GAS7: variants seen among roughly 807,000 people sequenced by gnomAD.
GAS7 encodes the protein growth arrest specific 7.
GAS7 carries 28 observed loss-of-function variants against 71.1 expected under a neutral mutation model. The observed-to-expected ratio is 0.39, with a 90% CI of 0.29 to 0.54. The LOEUF (loss-of-function observed/expected upper bound fraction) is 0.54. Among genes scored for constraint, GAS7 ranks in the 20% least tolerant of loss-of-function variants. GAS7 has a pLI of 0.62. For missense variants in GAS7, 436 were observed against 627.8 expected (o/e 0.69, Z 3.27); for synonymous variants, 258 against 245.8 (o/e 1.05, Z -0.46).
At chr17:10,089,477 A>G (rs2073557478) in intron 1 of GAS7, among the ~76,000 whole-genome samples, 1 of 151,904 alleles carries the variant, frequency 6.6e-6, no homozygotes, top group African/African-American at 2.4e-5. Context: ...TGCTAACACC[A>G]AAAGAAATTC....
At chr17:9,966,156 G>A (rs187456162) in intron 4 of GAS7, among the ~76,000 whole-genome samples, 3,517 of 151,872 alleles carry the variant, frequency 0.023, 134 homozygotes, top group African/African-American at 0.073. Context: ...CCGCCACCAC[G>A]CCCGGCTAAT....
At chr17:9,982,858 AAAGAAAGAAAGC>A (rs1003932847) in intron 2 of GAS7, among the ~76,000 whole-genome samples, 60 of 149,856 alleles carry the variant, frequency 4.0e-4, no homozygotes, top group African/African-American at 1.0e-3. Context: ...AGAAAGAAAG[AAAGAAAGAAAGC>A]AAAGAAAGCA....
chr17:9,911,454 C>T lies in GAS7; in HGVS notation c.*5774G>A, dbSNP rs907767791. 1.7e-5 allele frequency: 4 copies of T among 233,192 alleles called. No homozygotes were observed. Among genetic ancestry groups the T allele is most frequent in the African/African-American group, 8.8e-5 (4 of 45,328 alleles). 14.4% of individuals were successfully genotyped at this position (233,192 alleles called of 1,614,324 possible). A position where few individuals can be genotyped will look rare whatever the true frequency, so the allele number is the denominator to read the frequency against. The stretch of plus-strand genomic sequence containing the variant: ...AACACCAAGGAACAGTCCTGAACAC[C>T]ACACGCAATCTCCAAAGGCCATCGC... On this transcript the variant is annotated 3_prime_UTR_variant, in exon 14 of 14. Coordinates refer to ENST00000432992, the MANE Select transcript of GAS7 (RefSeq NM_201433.2). The surrounding 1 kb of genome is among the most constrained non-coding windows in gnomAD (Gnocchi z 4.0).
At position 9,943,010 on chromosome 17, in the gene GAS7, C is replaced by T. The variant is rs2068658689; in HGVS notation, c.731+111G>A. 7.4e-6 allele frequency: 5 copies of T among 677,498 alleles called. No homozygotes were observed. The South Asian group carries it at 9.3e-5, about 13-fold the overall frequency. The allele number at this position is 677,498 out of a possible 1,614,324, so 42.0% of individuals were successfully genotyped here. On this transcript the variant is annotated intron_variant, in intron 7 of 13. Coordinates refer to ENST00000432992, the MANE Select transcript of GAS7 (RefSeq NM_201433.2). ...GAGTTTGCCGCCTGGCGCTAACCAG[C>T]CCAATGCTGAGTGTGCAGTACTGAG... is the stretch of plus-strand genomic sequence containing the variant.
chr17:10,118,048 C>A (rs747875461), intron 1 of GAS7, among the ~76,000 whole-genome samples: 18 of 152,118 alleles, frequency 1.2e-4, no homozygotes, highest in Non-Finnish European at 2.4e-4. Context: ...AAGGACACAG[C>A]TGGACCTACT....
intron 1 of GAS7, among the ~76,000 whole-genome samples, chr17:10,038,203 C>T (rs1045325171): frequency 6.6e-6 from 1 of 152,048 alleles, no homozygotes; most frequent in Non-Finnish European, 1.5e-5. Flanking sequence ...ACTAAAAATA[C>T]AAAAATTAGC....
chr17:10,154,090 TAGAA>T (rs1482318995), intron 1 of GAS7, among the ~76,000 whole-genome samples: 4 of 152,094 alleles, frequency 2.6e-5, no homozygotes, highest in African/African-American at 9.7e-5. Flanking sequence ...AGAGAAAAGA[TAGAA>T]AGGAAAGTAA....
At chr17:9,917,929 C>A in intron 13 of GAS7, 72 bp downstream of exon 13, 1 of 1,085,674 alleles carries the variant, frequency 9.2e-7, no homozygotes. Context: ...ACTTAACCTG[C>A]CACGGCCTAG....
chr17:9,950,866 A>C lies in GAS7; in HGVS notation c.526-3883T>G, dbSNP rs191296785. 2.4e-3 allele frequency among the ~76,000 whole-genome samples: 359 copies of C among 152,170 alleles called. 2 individuals carry two copies. The highest frequency in any genetic ancestry group is 8.3e-3 in the African/African-American group (344 of 41,518). ...GCGAGACTGTGTCTCAAAAAAAAAA[A>C]AGGTGCACAGCTTCCTGAACTCTAA... is the stretch of plus-strand genomic sequence containing the variant. On this transcript the variant is annotated intron_variant, in intron 5 of 13. Coordinates refer to ENST00000432992, the MANE Select transcript of GAS7 (RefSeq NM_201433.2).
intron 1 of GAS7, among the ~76,000 whole-genome samples, chr17:10,120,819 A>G (rs1305298315): frequency 6.6e-6 from 1 of 152,136 alleles, no homozygotes. Flanking sequence ...GCCGGGGGAG[A>G]GGAAAGGGCA....
intron 1 of GAS7, among the ~76,000 whole-genome samples, chr17:10,150,724 G>A (rs987437222): frequency 6.6e-6 from 1 of 151,474 alleles, no homozygotes; most frequent in African/African-American, 2.4e-5. Flanking sequence ...GAGTAGCTGG[G>A]ATTACAGGCA....
chr17:10,180,826 C>G (rs1050034122), intron 1 of GAS7, among the ~76,000 whole-genome samples: 2 of 151,990 alleles, frequency 1.3e-5, no homozygotes, highest in African/African-American at 4.8e-5. Context: ...GCAGCAAACT[C>G]AGAATCTGGT....
At chr17:10,190,262 C>T (rs1014129042) in intron 1 of GAS7, among the ~76,000 whole-genome samples, 3 of 152,102 alleles carry the variant, frequency 2.0e-5, no homozygotes, top group Non-Finnish European at 4.4e-5. Flanking sequence ...AAAGATTTGC[C>T]AACGCAAGTT....
intron 1 of GAS7, among the ~76,000 whole-genome samples, chr17:10,078,103 T>C (rs1271795472): frequency 6.6e-6 from 1 of 151,944 alleles, no homozygotes; most frequent in Non-Finnish European, 1.5e-5. Flanking sequence ...TGTTTTGTTT[T>C]GTTTTGGAGA....
At chr17:9,927,290 T>TATACACACACAC (rs1375370401) in intron 9 of GAS7, among the ~76,000 whole-genome samples, 2 of 116,890 alleles carry the variant, frequency 1.7e-5, no homozygotes, top group Non-Finnish European at 3.5e-5. Flanking sequence ...CTCTACTACA[T>TATACACACACAC]ACACACACAC....
At chr17:10,099,739 C>A (rs1280671156) in intron 1 of GAS7, among the ~76,000 whole-genome samples, 1 of 152,124 alleles carries the variant, frequency 6.6e-6, no homozygotes, top group African/African-American at 2.4e-5. Context: ...CTGGGTGCAG[C>A]ACCTAAGTGT....
intron 2 of GAS7, among the ~76,000 whole-genome samples, chr17:9,983,349 G>A (rs1466265085): frequency 6.6e-6 from 1 of 152,106 alleles, no homozygotes; most frequent in Non-Finnish European, 1.5e-5. Context: ...AAATTAGCCA[G>A]GTGTGGTAGC....
intron 1 of GAS7, among the ~76,000 whole-genome samples, chr17:10,036,113 T>A (rs2072743635): frequency 6.6e-6 from 1 of 152,188 alleles, no homozygotes; most frequent in Non-Finnish European, 1.5e-5. Flanking sequence ...ACTACGAAAC[T>A]GCTCCCCAGG....
intron 1 of GAS7, among the ~76,000 whole-genome samples, chr17:10,193,403 T>C (rs2074517139): frequency 6.6e-6 from 1 of 152,178 alleles, no homozygotes. Context: ...CTGTCCCATG[T>C]ATGTTCTCCC....
Sources: allele counts gnomAD v4.1 joint callset (sites outside exome capture counted in the v4.1 genomes callset), GRCh38; gene constraint gnomAD v4.1.1; non-coding constraint Gnocchi (gnomAD v3.1); transcripts MANE v1.5; gene names NCBI Gene and HGNC (gene_info 2026-07-23, HGNC 2026-07-21).